PHF8: variants seen among roughly 807,000 people sequenced by gnomAD.
PHF8 encodes PHD finger protein 8.
PHF8 carries 9 observed loss-of-function variants against 74.4 expected under a neutral mutation model. The ratio of observed to expected loss-of-function variants is 0.12; its 90% CI spans 0.07 to 0.21. The LOEUF is 0.21. PHF8 is among the 10% of genes least tolerant of loss of function. PHF8 has a pLI of 1.00. For synonymous variants in PHF8, 311 were observed against 316.6 expected, an observed-to-expected ratio of 0.98 and a Z score of 0.19; for missense variants, 478 against 816.6, an observed-to-expected ratio of 0.59 and a Z score of 5.05.
intron 2 of PHF8, among the ~76,000 whole-genome samples, chrX:54,032,516 C>T (rs912316180): frequency 2.3e-4 from 26 of 110,759 alleles, no homozygotes; most frequent in African/African-American, 8.2e-4. Flanking sequence ...TTCCCTTCCT[C>T]GCTTTCCTTC....
At chrX:53,958,404 G>GT (rs1285976062) in intron 19 of PHF8, among the ~76,000 whole-genome samples, 6 of 107,089 alleles carry the variant, frequency 5.6e-5, no homozygotes, top group Non-Finnish European at 7.7e-5. Context: ...TTCCAACTGA[G>GT]TTAAAAAAAA....
chrX:54,025,227 G>A (rs782533342), intron 2 of PHF8, among the ~76,000 whole-genome samples: 24 of 110,937 alleles, frequency 2.2e-4, no homozygotes, highest in African/African-American at 6.6e-4. Flanking sequence ...TAAAAGGATC[G>A]GCCCATTATA....
chrX:53,985,364 T>A, intron 17 of PHF8, 137 bp from the exon 18 acceptor site: 1 of 546,656 alleles, frequency 1.8e-6, no homozygotes. Context: ...TCATCCAAAG[T>A]GAAAAATTTG....
At chrX:54,010,102 T>A (rs1410275190) in intron 8 of PHF8, among the ~76,000 whole-genome samples, 1 of 108,172 alleles carries the variant, frequency 9.2e-6, no homozygotes, top group Non-Finnish European at 1.9e-5. Flanking sequence ...TCACCTGAGG[T>A]CAAGGTCAGA....
At chrX:54,008,986 G>A (rs2065938588) in intron 8 of PHF8, among the ~76,000 whole-genome samples, 1 of 111,447 alleles carries the variant, frequency 9.0e-6, no homozygotes, top group Non-Finnish European at 1.9e-5. Flanking sequence ...AGACCAGCTT[G>A]GCCAACATGG....
intron 8 of PHF8, among the ~76,000 whole-genome samples, chrX:54,008,235 C>T (rs995486471): frequency 1.8e-5 from 2 of 110,266 alleles, no homozygotes; most frequent in Admixed American, 9.7e-5. Flanking sequence ...GGCATGGTGG[C>T]GCATGCCTGT....
intron 2 of PHF8, among the ~76,000 whole-genome samples, chrX:54,035,422 G>A (rs1603344054): frequency 9.5e-6 from 1 of 104,811 alleles, no homozygotes; most frequent in South Asian, 3.9e-4. Context: ...AATGTCAAGA[G>A]CAGTTGCTTA....
chrX:53,956,493 T>C (rs1235068233), intron 19 of PHF8, among the ~76,000 whole-genome samples: 4 of 111,616 alleles, frequency 3.6e-5, no homozygotes, highest in Non-Finnish European at 7.5e-5. Flanking sequence ...GTACCATATA[T>C]TAAGCAATTC....
intron 2 of PHF8, among the ~76,000 whole-genome samples, chrX:54,036,103 A>AAAG (rs2146503593): frequency 2.2e-5 from 2 of 92,966 alleles, no homozygotes; most frequent in African/African-American, 9.2e-5. Context: ...ACTCCATCTC[A>AAAG]AAAAAAAAAA....
In PHF8 at chrX:53,937,827, G is replaced by A. The variant is rs1837341835; in HGVS notation, c.*1331C>T. The A allele has an allele frequency of 4.2e-6, 2 of 479,014 alleles. No individual in the cohort carries two copies. The highest frequency in any genetic ancestry group is 6.2e-5 in the South Asian group (2 of 32,290). 39.5% of individuals were successfully genotyped at this position (479,014 alleles called of 1,213,427 possible). ...AAAGGGCAAGGGTACACTCCACTTG[G>A]GTAGTGCCAAATGGAGGTGGGGGGA... On this transcript the variant is annotated 3_prime_UTR_variant, in exon 22 of 22. Transcript: ENST00000338154.
chrX:53,993,941 C>A, intron 12 of PHF8, 38 bp from the exon 13 acceptor site: 1 of 1,007,017 alleles, frequency 9.9e-7, no homozygotes, highest in Non-Finnish European at 1.4e-6. Flanking sequence ...TTAGAGCTTA[C>A]TCAAGGGTTC....
At chrX:54,022,198 G>A in intron 4 of PHF8, 61 bp downstream of exon 4, 2 of 659,225 alleles carry the variant, frequency 3.0e-6, no homozygotes, top group Non-Finnish European at 2.6e-6. Context: ...GCTGGGAAGA[G>A]GTGAGTTCCA....
At chrX:53,967,750 T>C (rs2065232796) in intron 18 of PHF8, among the ~76,000 whole-genome samples, 1 of 113,764 alleles carries the variant, frequency 8.8e-6, no homozygotes, top group African/African-American at 3.2e-5. Flanking sequence ...ATGGGAGACT[T>C]TTCATTTTGT....
chrX:53,955,417 C>CTTA (rs1557088366), intron 19 of PHF8, among the ~76,000 whole-genome samples: 1 of 110,073 alleles, frequency 9.1e-6, no homozygotes, highest in East Asian at 2.8e-4. Flanking sequence ...ACAATTATAT[C>CTTA]TTATCTTTCA....
chrX:54,017,519 A>G (rs1240280473), intron 5 of PHF8, 142 bp downstream of exon 5: 1 of 507,798 alleles, frequency 2.0e-6, no homozygotes, highest in African/African-American at 2.3e-5. Context: ...ATCTCTGCCA[A>G]AGAATGACTT....
At chrX:54,000,023 GGACTTTTGTTAA>G (rs1297554221) in intron 10 of PHF8, 62 bp from the exon 11 acceptor site, 1 of 731,611 alleles carries the variant, frequency 1.4e-6, no homozygotes, top group African/African-American at 2.1e-5. Context: ...GAAGGACTTG[GGACTTTTGTTAA>G]GACAACCAGA....
intron 4 of PHF8, among the ~76,000 whole-genome samples, chrX:54,021,948 T>C (rs1450810374): frequency 8.9e-6 from 1 of 111,873 alleles, no homozygotes; most frequent in East Asian, 2.8e-4. Context: ...AAGAGATATA[T>C]GACCAATAAT....
intron 18 of PHF8, among the ~76,000 whole-genome samples, chrX:53,980,851 T>C (rs782255389): frequency 3.2e-4 from 36 of 112,568 alleles, no homozygotes; most frequent in Non-Finnish European, 6.2e-4. Flanking sequence ...CCTGAATAAA[T>C]AGAGACAGAC....
intron 2 of PHF8, among the ~76,000 whole-genome samples, chrX:54,038,952 T>C (rs2066506455): frequency 9.1e-6 from 1 of 109,392 alleles, no homozygotes; most frequent in Non-Finnish European, 1.9e-5. Context: ...CTGACCAACA[T>C]AGTGAAACCC....
Sources: gnomAD v4.1 joint callset for allele counts (sites outside exome capture counted in the v4.1 genomes callset) on GRCh38, gnomAD v4.1.1 for gene constraint, MANE v1.5 for transcripts, NCBI Gene and HGNC (gene_info 2026-07-23, HGNC 2026-07-21) for gene names.